The following MBP variants were observed in gnomAD, a reference collection of about 807,000 sequenced individuals.
MBP encodes the protein Golli-MBP.
MBP carries 16 observed loss-of-function variants against 35.8 expected under a neutral mutation model. The observed-to-expected ratio is 0.45, with a 90% CI of 0.30 to 0.68. The LOEUF (loss-of-function observed/expected upper bound fraction) is 0.68. Among genes scored for constraint, MBP ranks in the 30% least tolerant of loss-of-function variants. The probability of loss-of-function intolerance (pLI) is 0.08; values close to 1 mark genes in which losing one functional copy is unlikely to be tolerated. For missense variants in MBP, 380 were observed against 404.7 expected (o/e 0.94, Z 0.52); for synonymous variants, 143 against 159.6 (o/e 0.90, Z 0.78).
chr18:77,077,375 A>AAT (rs72065083), intron 2 of MBP, among the ~76,000 whole-genome samples: 2 of 151,450 alleles, frequency 1.3e-5, no homozygotes, highest in East Asian at 3.9e-4. Context: ...AAAAAAAAAA[A>AAT]ATTAAAACAA....
chr18:76,983,416 G>A (rs905930937), intron 8 of MBP: 20 of 152,280 alleles, frequency 1.3e-4, no homozygotes, highest in African/African-American at 4.8e-4. Flanking sequence ...GGTGGGGCGG[G>A]GCCGTCCTGA....
At chr18:77,040,809 A>T (rs1017106428) in intron 3 of MBP, among the ~76,000 whole-genome samples, 1 of 152,252 alleles carries the variant, frequency 6.6e-6, no homozygotes, top group Admixed American at 6.5e-5. Flanking sequence ...TACATGTTAG[A>T]CCTAAAACCA....
chr18:77,072,666 T>C (rs55721021), intron 2 of MBP, among the ~76,000 whole-genome samples: 13,067 of 152,220 alleles, frequency 0.086, 763 homozygotes, highest in Non-Finnish European at 0.12. Context: ...TAAGCCCTTA[T>C]TTTTTCTCAG....
In MBP at chr18:77,085,540, C is replaced by T. The variant is rs143048372; in HGVS notation, c.52-19155G>A. On this transcript the variant is annotated intron_variant, in intron 2 of 8. Coordinates refer to ENST00000355994, the MANE Select transcript of MBP (RefSeq NM_001025101.2). ...ATGACAGTATCTGGTGCTCAGCTAG[C>T]GCGGAGCCAATGCCACGTGTCACCA... is the stretch of plus-strand genomic sequence containing the variant. 3.9e-4 allele frequency among the ~76,000 whole-genome samples: 60 copies of T among 152,254 alleles called. No homozygotes were observed. The South Asian group carries it at 6.4e-3, about 16-fold the overall frequency.
chr18:77,117,765 G>A (rs1436586095), intron 1 of MBP, among the ~76,000 whole-genome samples: 4 of 105,092 alleles, frequency 3.8e-5, no homozygotes, highest in Admixed American at 3.3e-4. Flanking sequence ...GGGACGGTGC[G>A]TTGGAGTGGG....
intron 3 of MBP, among the ~76,000 whole-genome samples, chr18:77,023,893 G>A (rs1054478547): frequency 3.9e-5 from 6 of 152,190 alleles, no homozygotes; most frequent in African/African-American, 7.2e-5. Flanking sequence ...CCTCCTCTCC[G>A]AGGGCCAGGG....
rs577397302 is a variant in MBP, at chr18:77,072,981, G to A, written c.52-6596C>T. 9.2e-5 allele frequency among the ~76,000 whole-genome samples: 14 copies of A among 152,234 alleles called. No homozygotes were observed. In the South Asian group the frequency reaches 2.7e-3, roughly 29 times the overall value. ...AGCAACGTGTTCTTTCTGAATCTTC[G>A]CCCACTGCCATTGCCCTGTCTTAGA... On this transcript the variant is annotated intron_variant, in intron 2 of 8. Coordinates refer to ENST00000355994, the MANE Select transcript of MBP (RefSeq NM_001025101.2).
At chr18:77,029,336 G>T (rs1335445440) in intron 3 of MBP, among the ~76,000 whole-genome samples, 1 of 149,772 alleles carries the variant, frequency 6.7e-6, no homozygotes, top group African/African-American at 2.5e-5. Flanking sequence ...AGGCAGGGGG[G>T]TTGCAGTGAG....
rs553348384 is a variant in MBP at position 77,101,206 on chromosome 18, T to C, written c.51+4005A>G. The stretch of plus-strand genomic sequence containing the variant: ...CTTGCCCCCTGCCCCTCTCCTGGCA[T>C]TGAGGCACGTCCCTGGGTTCTCCAG... On this transcript the variant is annotated intron_variant, in intron 2 of 8. Transcript: ENST00000355994. The surrounding 1 kb of genome is among the most constrained non-coding windows in gnomAD (Gnocchi z 4.3). Among the ~76,000 whole-genome samples the C allele has an allele frequency of 2.2e-4, 33 of 152,332 alleles. No individual in the cohort carries two copies. Among genetic ancestry groups the C allele is most frequent in the African/African-American group, 7.5e-4 (31 of 41,582 alleles).
chr18:77,132,232 C>T lies in MBP; in HGVS notation c.-26+348G>A, dbSNP rs73493072. ...CGCCGGGCCTGGCTGGAGTCCACCC[C>T]TGGACACCTGTCAGGGTCGGGCCCC... On this transcript the variant is annotated intron_variant, in intron 1 of 8. Coordinates refer to ENST00000355994, the MANE Select transcript of MBP (RefSeq NM_001025101.2). Among the ~76,000 whole-genome samples, 689 of 152,282 alleles carry T rather than the reference C, an allele frequency of 4.5e-3. 4 individuals carry two copies. The highest frequency in any genetic ancestry group is 0.016 in the African/African-American group (655 of 41,574).
At chr18:77,052,690 C>T (rs528804450) in intron 3 of MBP, among the ~76,000 whole-genome samples, 148 of 152,190 alleles carry the variant, frequency 9.7e-4, no homozygotes, top group Non-Finnish European at 1.7e-3. Context: ...AGCAGTGTCC[C>T]CCACCCATCC....
At chr18:77,040,919 A>C (rs1250645813) in intron 3 of MBP, among the ~76,000 whole-genome samples, 1 of 152,224 alleles carries the variant, frequency 6.6e-6, no homozygotes, top group East Asian at 1.9e-4. Context: ...ACAAAAGCCA[A>C]AACTGACAAA....
At chr18:77,089,078 G>A (rs1267245071) in intron 2 of MBP, among the ~76,000 whole-genome samples, 2 of 152,240 alleles carry the variant, frequency 1.3e-5, no homozygotes, top group Non-Finnish European at 2.9e-5. Context: ...CACGTAGCCT[G>A]TCACATCCTC....
intron 2 of MBP, among the ~76,000 whole-genome samples, 161 bp downstream of exon 2, chr18:77,105,050 A>ATT (rs1555729835): frequency 8.1e-6 from 1 of 122,968 alleles, no homozygotes; most frequent in Non-Finnish European, 1.6e-5. Context: ...AATAAATCAT[A>ATT]ATTAATTATT....
intron 2 of MBP, among the ~76,000 whole-genome samples, chr18:77,069,384 TAGG>T (rs1199086504): frequency 3.9e-5 from 6 of 152,216 alleles, no homozygotes; most frequent in Admixed American, 6.5e-5. Context: ...TCTATGCTAA[TAGG>T]AGATCATATT....
At chr18:77,015,513 C>T (rs1599068452) in intron 4 of MBP, 1 of 985,420 alleles carries the variant, frequency 1.0e-6, no homozygotes, top group South Asian at 4.7e-5. Context: ...AACATGTCTA[C>T]AAATGCACTG....
intron 4 of MBP, among the ~76,000 whole-genome samples, chr18:76,997,858 A>AT (rs745630255): frequency 3.3e-5 from 5 of 150,960 alleles, no homozygotes; most frequent in Non-Finnish European, 7.4e-5. Flanking sequence ...ATTTTTTTGT[A>AT]TTTTTAGTAG....
At chr18:77,010,944 G>C (rs115439333) in intron 4 of MBP, among the ~76,000 whole-genome samples, 4 of 152,218 alleles carry the variant, frequency 2.6e-5, no homozygotes, top group East Asian at 1.9e-4. Flanking sequence ...TGAAATCAGC[G>C]TAATAGGTTT....
intron 2 of MBP, among the ~76,000 whole-genome samples, chr18:77,092,896 C>T (rs1289458868): frequency 6.6e-6 from 1 of 152,170 alleles, no homozygotes; most frequent in African/African-American, 2.4e-5. Flanking sequence ...GGGAACACAC[C>T]GGCCCCGCGT....
Sources: gnomAD v4.1 joint callset for allele counts (sites outside exome capture counted in the v4.1 genomes callset) on GRCh38, gnomAD v4.1.1 for gene constraint, Gnocchi (gnomAD v3.1) non-coding constraint, MANE v1.5 for transcripts, NCBI Gene and HGNC (gene_info 2026-07-23, HGNC 2026-07-21) for gene names.